The following FUZ variants were observed in gnomAD, a reference collection of about 807,000 sequenced individuals.
The protein encoded by FUZ is protein fuzzy homolog.
In FUZ, 31 loss-of-function variants were observed where a neutral mutation model predicts 43.1. The observed-to-expected ratio is 0.72, with a 90% CI of 0.54 to 0.97. The LOEUF (loss-of-function observed/expected upper bound fraction) is 0.97. FUZ is among the 50% of genes least tolerant of loss of function. The pLI is 0.00. For synonymous variants in FUZ, 274 were observed against 250.0 expected (o/e 1.10, Z -0.91); for missense variants, 539 against 543.8 (o/e 0.99, Z 0.09).
In FUZ at chr19:49,809,450, G is replaced by C. The variant is rs760018533; in HGVS notation, c.618C>G (p.Pro206=). 2.6e-6 allele frequency: 4 copies of C among 1,551,094 alleles called. No individual in the cohort carries two copies. The highest frequency in any genetic ancestry group is 1.2e-5 in the South Asian group (1 of 84,724). The change falls in exon 6 of 11, where the codon CCC becomes CCG. Residue 206 remains proline, a synonymous_variant. Transcript: ENST00000313777. The surrounding 1 kb of genome is among the most constrained non-coding windows in gnomAD (Gnocchi z 5.1). ...GCGGCGGCAGGGACCCCACCAGCCA[G>C]GGGAGCAGCACGGCCTCGGGCGTCC... ...RLGTPEAVLL[P]WLVGSLPPQT... is the part of the protein sequence containing the mutation.
Position 49,809,082 on chromosome 19 carries a change from C to A in FUZ, c.786+81G>T. 7.5e-7 allele frequency: 1 copy of A among 1,334,980 alleles called. No homozygotes were observed. Among genetic ancestry groups the A allele is most frequent in the African/African-American group, 1.5e-5 (1 of 68,728 alleles). 82.7% of individuals were successfully genotyped at this position (1,334,980 alleles called of 1,614,324 possible). On this transcript the variant is annotated intron_variant, in intron 7 of 10. Coordinates refer to ENST00000313777, the MANE Select transcript of FUZ (RefSeq NM_025129.5). The surrounding 1 kb of genome is among the most constrained non-coding windows in gnomAD (Gnocchi z 5.1). The stretch of plus-strand genomic sequence containing the variant: ...GAGGCGGGGCTGGGGAAAGATGCCG[C>A]TGGCAGGGCAGGGTGGTGGGGAAGG...
chr19:49,808,796 G>C lies in FUZ; in HGVS notation c.814C>G (p.Leu272Val). ...QLLERWWQPL[L>V]DPLRACLPLG... is the part of the protein sequence containing the mutation. ...GGCAGACAGGCCCGCAACGGGTCCA[G>C]CAGTGGCTGCCACCAGCGCTCCAGA... is the stretch of plus-strand genomic sequence containing the variant. Residue 272 changes from leucine to valine, a missense_variant, in exon 8 of 11, where the codon CTG becomes GTG. By Grantham distance (32) the Leu-to-Val change is conservative. Transcript: ENST00000313777. 1.9e-6 allele frequency: 3 copies of C among 1,555,018 alleles called. No homozygotes were observed. The highest frequency in any genetic ancestry group is 2.6e-6 in the Non-Finnish European group (3 of 1,150,050).
chr19:49,810,975 C>G, intron 5 of FUZ: 1 of 354,212 alleles, frequency 2.8e-6, no homozygotes, highest in Non-Finnish European at 5.4e-6. Flanking sequence ...CATGGTGAAA[C>G]CCTGTCTCTA....
intron 5 of FUZ, chr19:49,811,083 G>A (rs559660029): frequency 1.2e-4 from 57 of 479,240 alleles, no homozygotes; most frequent in Middle Eastern, 6.1e-4. Context: ...CCCGGGAGGC[G>A]CAGGCTGCAG....
Position 49,809,266 on chromosome 19 carries a change from A to G in FUZ, c.691-8T>C. On this transcript the variant is annotated splice_region_variant and splice_polypyrimidine_tract_variant and intron_variant, in intron 6 of 10. Coordinates refer to ENST00000313777, the MANE Select transcript of FUZ (RefSeq NM_025129.5). The surrounding 1 kb of genome is among the most constrained non-coding windows in gnomAD (Gnocchi z 5.1). Reference sequence around the variant, plus strand: ...CAGGAGCCGGTGTGGGACCTGAAGCAGGGCACAGGCTGGGGCTCATCGCGG... The same window carrying G: ...CAGGAGCCGGTGTGGGACCTGAAGCGGGGCACAGGCTGGGGCTCATCGCGG... 6.4e-7 allele frequency: 1 copy of G among 1,550,774 alleles called. No homozygotes were observed. Among genetic ancestry groups the G allele is most frequent in the Non-Finnish European group, 8.7e-7 (1 of 1,146,878 alleles).
In FUZ at chr19:49,809,478, A is replaced by C; in HGVS notation, c.590T>G (p.Leu197Arg). The change falls in exon 6 of 11, where the codon CTG becomes CGG. Residue 197 changes from leucine (L) to arginine (R), a missense_variant. By Grantham distance (102) the Leu-to-Arg change is moderately radical. Transcript: ENST00000313777. This position sits in a 1 kb window ranked among gnomAD's most constrained non-coding sequence, Gnocchi z 5.1. ...VVAATEGWWRLGTPEAVLLPW... is the reference protein window; with the variant it reads ...VVAATEGWWRRGTPEAVLLPW... ...GAGCAGCACGGCCTCGGGCGTCCCCAGCCGCCACCAACCCTCTGTTGCTGC... is the reference window on the plus strand; with the variant it reads ...GAGCAGCACGGCCTCGGGCGTCCCCCGCCGCCACCAACCCTCTGTTGCTGC... 1 of 1,579,186 alleles carries C rather than the reference A, an allele frequency of 6.3e-7. No individual in the cohort carries two copies. The highest frequency in any genetic ancestry group is 8.6e-7 in the Non-Finnish European group (1 of 1,166,930).
In FUZ at chr19:49,809,353, C is replaced by A; in HGVS notation, c.690+25G>T. ...GACTCGGCCCCCAGGTCACATCCCT[C>A]CGTCGGTGCCCGCCACCCACTCACC... On this transcript the variant is annotated intron_variant, in intron 6 of 10. Coordinates refer to ENST00000313777, the MANE Select transcript of FUZ (RefSeq NM_025129.5). The surrounding 1 kb of genome is among the most constrained non-coding windows in gnomAD (Gnocchi z 5.1). The A allele has an allele frequency of 6.5e-7, 1 of 1,545,230 alleles. No individual in the cohort carries two copies. The highest frequency in any genetic ancestry group is 1.2e-5 in the South Asian group (1 of 84,050).
Position 49,811,460 on chromosome 19 carries a change from T to A in FUZ, c.395A>T (p.Tyr132Phe). The change falls in exon 5 of 11, where the codon TAT becomes TTT. Residue 132 changes from tyrosine (Y) to phenylalanine (F), a missense_variant. By Grantham distance (22) the Tyr-to-Phe change is conservative (BLOSUM62 3). Coordinates refer to ENST00000313777, the MANE Select transcript of FUZ (RefSeq NM_025129.5). ...CCCCAGGAAGCTGTCGATGAGGCAA[T>A]AACTGGCCTAGGAGAGGAAGAAGGG... is the stretch of plus-strand genomic sequence containing the variant. ...ERLKKDLRAS[Y>F]CLIDSFLGDS... The A allele has an allele frequency of 1.2e-6, 2 of 1,613,744 alleles. No homozygotes were observed. Among genetic ancestry groups the A allele is most frequent in the Non-Finnish European group, 1.7e-6 (2 of 1,179,792 alleles).
chr19:49,810,378 A>G (rs746118766), intron 5 of FUZ, among the ~76,000 whole-genome samples: 7 of 151,748 alleles, frequency 4.6e-5, no homozygotes, highest in Non-Finnish European at 7.4e-5. Flanking sequence ...TTAAAAAAAA[A>G]AATAGCTGAA....
chr19:49,813,461 C>T, upstream of FUZ: 2 of 403,726 alleles, frequency 5.0e-6, no homozygotes, highest in South Asian at 2.2e-5. Flanking sequence ...GTTGCCTAGC[C>T]ACCATCCTGT....
Position 49,808,627 on chromosome 19 carries a change from A to T in FUZ, c.905T>A (p.Leu302His). ...LHTDILGLLL[L>H]HLELKRCLFT... ...GAGGCAGCGCTTCAGTTCCAGGTGG[A>T]GGAGCAGCAGCCTGTGGGAAAGGGA... Residue 302 changes from leucine (L) to histidine (H), a missense_variant, in exon 9 of 11, where the codon CTC becomes CAC. Transcript: ENST00000313777. The T allele has an allele frequency of 6.2e-7, 1 of 1,613,262 alleles. No individual in the cohort carries two copies. The highest frequency in any genetic ancestry group is 8.5e-7 in the Non-Finnish European group (1 of 1,179,724).
rs1331368993 is a variant in FUZ, at chr19:49,808,743, G to A, written c.867C>T (p.Gly289=). The A allele has an allele frequency of 1.3e-6, 2 of 1,585,580 alleles. No homozygotes were observed. Among genetic ancestry groups the A allele is most frequent in the South Asian group, 2.3e-5 (2 of 87,550 alleles). ...LPLGPRALPS[G]FPLHTDILGL... ...CGAGGATGTCTGTGTGAAGGGGGAA[G>A]CCACTGGGCAGCGCCCGGGGTCCCA... Residue 289 remains glycine (G), a synonymous_variant, in exon 8 of 11, where the codon GGC becomes GGT. Coordinates refer to ENST00000313777, the MANE Select transcript of FUZ (RefSeq NM_025129.5).
chr19:49,809,013 G>T lies in FUZ; in HGVS notation c.786+150C>A. On this transcript the variant is annotated intron_variant, in intron 7 of 10. Transcript: ENST00000313777. This position sits in a 1 kb window ranked among gnomAD's most constrained non-coding sequence, Gnocchi z 5.1. ...AAGAATAGAGGCAGAGGCGGGAGCG[G>T]CCGATCTTGGCGGGTAGGTGAATGA... The T allele has an allele frequency of 1.1e-6, 1 of 916,294 alleles. No homozygotes were observed. Among genetic ancestry groups the T allele is most frequent in the Non-Finnish European group, 1.7e-6 (1 of 577,314 alleles). 56.8% of individuals were successfully genotyped at this position (916,294 alleles called of 1,614,324 possible). A position where few individuals can be genotyped will look rare whatever the true frequency, so the allele number is the denominator to read the frequency against.
chr19:49,809,743 A>T lies in FUZ; in HGVS notation c.493-168T>A. The T allele has an allele frequency of 1.5e-6, 1 of 675,836 alleles. No homozygotes were observed. The highest frequency in any genetic ancestry group is 2.6e-6 in the Non-Finnish European group (1 of 385,694). 41.9% of individuals were successfully genotyped at this position (675,836 alleles called of 1,614,324 possible). A position where few individuals can be genotyped will look rare whatever the true frequency, so the allele number is the denominator to read the frequency against. ...TCTGAGCCTGAGTTCCTTCACTTTC[A>T]TACGAAGTCACATCCCCAACTCACA... On this transcript the variant is annotated intron_variant, in intron 5 of 10. Transcript: ENST00000313777. This position sits in a 1 kb window ranked among gnomAD's most constrained non-coding sequence, Gnocchi z 5.1.
chr19:49,811,161 GAGAGAAAGAAAAGAAAAAAGAAAAGAA>G (rs1568606740), intron 5 of FUZ, 175 bp downstream of exon 5: 1 of 613,610 alleles, frequency 1.6e-6, no homozygotes, highest in Non-Finnish European at 2.9e-6. Flanking sequence ...CAAATAAAAA[GAGAGAAAGAAAAGAAAAAAGAAAAGAA>G]AGAGAAAGAA....
rs751697960 is a variant in FUZ at position 49,808,467 on chromosome 19, C to T, written c.980G>A (p.Arg327Gln). The T allele has an allele frequency of 2.5e-6, 4 of 1,612,308 alleles. No individual in the cohort carries two copies. The highest frequency in any genetic ancestry group is 4.5e-5 in the East Asian group (2 of 44,838). ...GGTATAGAAGTTTCGGAGGAGGCGC[C>T]GGCGCTGTTCTGGTGAAGGCTCTGC... ...GDKEPSPEQR[R>Q]RLLRNFYTLV... The change falls in exon 10 of 11, where the codon CGG becomes CAG. Residue 327 changes from arginine to glutamine, a missense_variant. Arg to Gln is a conservative substitution (Grantham distance 43). Transcript: ENST00000313777.
intron 10 of FUZ, 39 bp from the exon 11 acceptor site, chr19:49,807,413 A>G (rs1352705226): frequency 1.3e-6 from 2 of 1,563,100 alleles, no homozygotes; most frequent in African/African-American, 1.4e-5. Context: ...GACAAGTAGC[A>G]TGCTAACCTT....
In FUZ at chr19:49,813,276, T is replaced by G. The variant is rs905557061; in HGVS notation, c.-170A>C. ...TTCTTCACCCAACTCAAACAGACCC[T>G]CAAACCCTATTCAGGCACCTCCCCC... On this transcript the variant is annotated 5_prime_UTR_variant, in exon 1 of 11. Transcript: ENST00000313777. 9 of 717,920 alleles carry G rather than the reference T, an allele frequency of 1.3e-5. No homozygotes were observed. Among genetic ancestry groups the G allele is most frequent in the Non-Finnish European group, 1.8e-5 (7 of 399,610 alleles). 44.5% of individuals were successfully genotyped at this position (717,920 alleles called of 1,614,324 possible).
intron 3 of FUZ, 38 bp downstream of exon 3, chr19:49,812,213 T>C (rs761739686): frequency 6.8e-7 from 1 of 1,463,752 alleles, no homozygotes; most frequent in Non-Finnish European, 9.5e-7. Flanking sequence ...GATCTCAGAT[T>C]CCTGGTCTGG....
Sources: gnomAD v4.1 joint callset for allele counts (sites outside exome capture counted in the v4.1 genomes callset) on GRCh38, gnomAD v4.1.1 for gene constraint, Gnocchi (gnomAD v3.1) non-coding constraint, MANE v1.5 for transcripts, NCBI Gene and HGNC (gene_info 2026-07-23, HGNC 2026-07-21) for gene names.